The following DNAJA4 variants were observed in gnomAD, a reference collection of about 807,000 sequenced individuals.
DNAJA4 encodes dnaJ homolog subfamily A member 4.
A neutral mutation model predicts 39.7 loss-of-function variants in DNAJA4; 32 were observed. The observed-to-expected ratio is 0.81, with a 90% CI of 0.61 to 1.08. DNAJA4 has a LOEUF of 1.08. Ranked by LOEUF, DNAJA4 falls within the 50% of genes least tolerant of loss-of-function variation. The pLI is 0.00. For missense variants in DNAJA4, 439 were observed against 505.1 expected (o/e 0.87, Z 1.25); for synonymous variants, 184 against 182.4 (o/e 1.01, Z -0.07).
At chr15:78,275,225 C>G in intron 4 of DNAJA4, 1 of 438,382 alleles carries the variant, frequency 2.3e-6, no homozygotes, top group East Asian at 3.8e-5. Flanking sequence ...GCATCACAGG[C>G]CCTGGGCAGG....
chr15:78,270,766 G>A (rs989238492), intron 2 of DNAJA4, 89 bp downstream of exon 2: 17 of 1,418,394 alleles, frequency 1.2e-5, no homozygotes, highest in Non-Finnish European at 1.5e-5. Context: ...GCTTTAAAAG[G>A]ATATGATTGG....
At chr15:78,274,823 G>C in intron 4 of DNAJA4, 1 of 234,900 alleles carries the variant, frequency 4.3e-6, no homozygotes, top group Non-Finnish European at 8.4e-6. Flanking sequence ...AGTGTTTGTG[G>C]CTGCATGTTC....
chr15:78,274,692 C>G lies in DNAJA4; in HGVS notation c.646+268C>G, dbSNP rs2049399102. On this transcript the variant is annotated intron_variant, in intron 4 of 6. Coordinates refer to ENST00000394852, the MANE Select transcript of DNAJA4 (RefSeq NM_001130182.2). The stretch of plus-strand genomic sequence containing the variant: ...TGAGGTTTTCTAACGCTCTGAAAGT[C>G]TTACCTGGCCTTGGTTTGGGTTAGT... 1.1e-5 allele frequency: 5 copies of G among 472,720 alleles called. No homozygotes were observed. The East Asian group carries it at 2.1e-4, about 20-fold the overall frequency. 29.3% of individuals were successfully genotyped at this position (472,720 alleles called of 1,614,324 possible).
Position 78,280,372 on chromosome 15 carries a change from C to T in DNAJA4, c.1106C>T (p.Pro369Leu). The T allele has an allele frequency of 6.2e-7, 1 of 1,614,168 alleles. No homozygotes were observed. Among genetic ancestry groups the T allele is most frequent in the Admixed American group, 1.7e-5 (1 of 60,026 alleles). Reference sequence around the variant, plus strand: ...CAGGTGGAGCTGAAGGAGTTTTGTCCCAATGAGCAGAACTGGCGTCAGCAC... The same window carrying T: ...CAGGTGGAGCTGAAGGAGTTTTGTCTCAATGAGCAGAACTGGCGTCAGCAC... The part of the protein sequence containing the change: ...MDQVELKEFC[P>L]NEQNWRQHRE... The change falls in exon 7 of 7, where the codon CCC becomes CTC. Residue 369 changes from proline (P) to leucine (L), a missense_variant. By Grantham distance (98) the Pro-to-Leu change is moderately conservative. Coordinates refer to ENST00000394852, the MANE Select transcript of DNAJA4 (RefSeq NM_001130182.2).
chr15:78,278,956 A>G (rs1595929333), intron 5 of DNAJA4, among the ~76,000 whole-genome samples: 1 of 146,030 alleles, frequency 6.8e-6, no homozygotes, highest in South Asian at 2.2e-4. Flanking sequence ...GGCGTGAGCC[A>G]CCGTGCCTGG....
upstream of DNAJA4, chr15:78,264,219 C>T: frequency 1.1e-6 from 1 of 903,298 alleles, no homozygotes; most frequent in Non-Finnish European, 1.5e-6. Flanking sequence ...GCCGGCTCCA[C>T]GGACCCACGG....
At chr15:78,274,698 T>C (rs1419378909) in intron 4 of DNAJA4, 1 of 463,364 alleles carries the variant, frequency 2.2e-6, no homozygotes, top group East Asian at 4.3e-5. Flanking sequence ...AAGTCTTACC[T>C]GGCCTTGGTT....
chr15:78,279,826 G>C lies in DNAJA4; in HGVS notation c.878-219G>C. 1.7e-6 allele frequency: 1 copy of C among 591,364 alleles called. No individual in the cohort carries two copies. The highest frequency in any genetic ancestry group is 2.8e-5 in the East Asian group (1 of 35,744). 36.6% of individuals were successfully genotyped at this position (591,364 alleles called of 1,614,324 possible). On this transcript the variant is annotated intron_variant, in intron 5 of 6. Transcript: ENST00000394852. This position sits in a 1 kb window ranked among gnomAD's most constrained non-coding sequence, Gnocchi z 4.5. ...ATGCTGCCCTCTTGACACACTGCTG[G>C]AGCCCAGAGCACAGGCCAGAGTCTC...
At chr15:78,270,799 T>C in intron 2 of DNAJA4, 122 bp downstream of exon 2, 1 of 1,124,744 alleles carries the variant, frequency 8.9e-7, no homozygotes, top group Non-Finnish European at 1.2e-6. Flanking sequence ...GGTTCATGTC[T>C]GTAATTTCAG....
At chr15:78,277,346 G>T (rs1365350058) in intron 5 of DNAJA4, among the ~76,000 whole-genome samples, 1 of 152,150 alleles carries the variant, frequency 6.6e-6, no homozygotes, top group Non-Finnish European at 1.5e-5. Context: ...TGTAGAGACG[G>T]GGTTTCGCCA....
At chr15:78,268,254 T>C (rs1225745857) in intron 1 of DNAJA4, among the ~76,000 whole-genome samples, 1 of 152,180 alleles carries the variant, frequency 6.6e-6, no homozygotes, top group Non-Finnish European at 1.5e-5. Context: ...CCTGGCCTAG[T>C]TGCTTTCTGA....
At chr15:78,277,431 A>G (rs1265435957) in intron 5 of DNAJA4, among the ~76,000 whole-genome samples, 1 of 152,232 alleles carries the variant, frequency 6.6e-6, no homozygotes, top group Non-Finnish European at 1.5e-5. Flanking sequence ...GTATAATGCA[A>G]AATTTGCATG....
intron 6 of DNAJA4, 35 bp from the exon 7 acceptor site, chr15:78,280,210 A>T (rs2049615239): frequency 6.2e-7 from 1 of 1,611,528 alleles, no homozygotes; most frequent in Non-Finnish European, 8.5e-7. Flanking sequence ...AGGGGAAAAA[A>T]CAGCCACCTT....
intron 1 of DNAJA4, among the ~76,000 whole-genome samples, chr15:78,269,218 A>G (rs1184338002): frequency 1.3e-5 from 2 of 152,112 alleles, no homozygotes; most frequent in Non-Finnish European, 2.9e-5. Flanking sequence ...CAGAGGATCG[A>G]CCCAATTAGT....
At position 78,269,559 on chromosome 15, in the gene DNAJA4, C is replaced by T. The variant is rs1350685423; in HGVS notation, c.133-938C>T. Among the ~76,000 whole-genome samples the T allele has an allele frequency of 2.6e-5, 4 of 152,118 alleles. No homozygotes were observed. In the East Asian group the frequency reaches 7.7e-4, roughly 29 times the overall value. ...GGGAGGAAGCTACCTATAGCATAACCTTTCAGCCCTAAGTGCTGCGTGTTT... is the reference window on the plus strand; with the variant it reads ...GGGAGGAAGCTACCTATAGCATAACTTTTCAGCCCTAAGTGCTGCGTGTTT... On this transcript the variant is annotated intron_variant, in intron 1 of 6. Transcript: ENST00000394852.
chr15:78,264,953 A>G, intron 1 of DNAJA4, 58 bp downstream of exon 1: 1 of 1,480,648 alleles, frequency 6.8e-7, no homozygotes, highest in East Asian at 2.8e-5. Flanking sequence ...TTATTAAGCC[A>G]GGAGCATTGA....
chr15:78,272,444 C>A (rs1333975344), intron 2 of DNAJA4, among the ~76,000 whole-genome samples: 3 of 152,232 alleles, frequency 2.0e-5, no homozygotes, highest in Non-Finnish European at 2.9e-5. Context: ...TCAAAGTTGG[C>A]AGCCAGTAAA....
intron 1 of DNAJA4, among the ~76,000 whole-genome samples, chr15:78,267,951 T>C (rs7166549): frequency 0.021 from 3,131 of 152,230 alleles, 106 homozygotes; most frequent in African/African-American, 0.07. Context: ...AGCACTCGTC[T>C]CCCACTGGGA....
intron 5 of DNAJA4, among the ~76,000 whole-genome samples, chr15:78,276,016 G>A (rs534325737): frequency 3.6e-4 from 54 of 152,110 alleles, no homozygotes; most frequent in African/African-American, 1.1e-3. Flanking sequence ...ATTTAAAACT[G>A]TCCCTAATAA....
Sources: allele counts gnomAD v4.1 joint callset (sites outside exome capture counted in the v4.1 genomes callset), GRCh38; gene constraint gnomAD v4.1.1; non-coding constraint Gnocchi (gnomAD v3.1); transcripts MANE v1.5; gene names NCBI Gene and HGNC (gene_info 2026-07-23, HGNC 2026-07-21).